The following CDH18 variants were observed in gnomAD, a reference collection of about 807,000 sequenced individuals.
CDH18 encodes cadherin-18.
Under a neutral mutation model 67.9 loss-of-function variants are expected in CDH18, and 31 were observed. The observed-to-expected ratio is 0.46, with a 90% CI of 0.34 to 0.62. CDH18 has a LOEUF of 0.62. Ranked by LOEUF, CDH18 falls within the 20% of genes least tolerant of loss-of-function variation. The pLI, the probability that CDH18 is intolerant of heterozygous loss-of-function variation, is 0.01. For missense variants in CDH18, 890 were observed against 975.5 expected (o/e 0.91, Z 1.17); for synonymous variants, 362 against 347.2 (o/e 1.04, Z -0.48).
chr5:19,731,407 C>T (rs544233286), intron 4 of CDH18, among the ~76,000 whole-genome samples: 1 of 152,186 alleles, frequency 6.6e-6, no homozygotes, highest in East Asian at 1.9e-4. Flanking sequence ...GCCGAGAGAG[C>T]CCCACTGCAC....
intron 8 of CDH18, among the ~76,000 whole-genome samples, chr5:19,554,940 AC>A (rs1367735983): frequency 8.5e-5 from 13 of 152,344 alleles, no homozygotes; most frequent in Admixed American, 5.2e-4. Flanking sequence ...ACACTTTGGA[AC>A]AATCAACAAG....
At chr5:20,364,082 T>G (rs191920918) in intron 1 of CDH18, among the ~76,000 whole-genome samples, 124 of 152,276 alleles carry the variant, frequency 8.1e-4, no homozygotes, top group African/African-American at 2.9e-3. Context: ...AAGAGCACAT[T>G]GAAGGCAGGA....
intron 1 of CDH18, among the ~76,000 whole-genome samples, chr5:20,469,413 C>T (rs1400516826): frequency 2.6e-5 from 4 of 152,096 alleles, no homozygotes; most frequent in African/African-American, 4.8e-5. Context: ...CTTTTATCTT[C>T]GCTTCTGCCT....
chr5:20,309,375 T>C (rs530955303), intron 1 of CDH18, among the ~76,000 whole-genome samples: 15 of 152,336 alleles, frequency 9.8e-5, no homozygotes, highest in South Asian at 6.2e-4. Flanking sequence ...CGTGGCACAC[T>C]GTCTTAAAAA....
At chr5:20,304,424 T>C in intron 1 of CDH18, 2 of 1,466,912 alleles carry the variant, frequency 1.4e-6, no homozygotes, top group Non-Finnish European at 1.9e-6. Flanking sequence ...TTTGGGTAGC[T>C]CATGATTCTC....
intron 2 of CDH18, among the ~76,000 whole-genome samples, chr5:20,009,422 ACT>A (rs1312743992): frequency 6.6e-6 from 1 of 151,940 alleles, no homozygotes; most frequent in African/African-American, 2.4e-5. Context: ...TGAGAACTGT[ACT>A]CTCTCTTTAT....
At chr5:20,555,884 A>G (rs1028282956) in intron 1 of CDH18, among the ~76,000 whole-genome samples, 4 of 152,010 alleles carry the variant, frequency 2.6e-5, no homozygotes, top group Admixed American at 2.6e-4. Context: ...TCCCCCACGT[A>G]TCTCAAATTC....
chr5:20,378,196 CAG>C (rs780835007), intron 1 of CDH18, among the ~76,000 whole-genome samples: 4 of 152,100 alleles, frequency 2.6e-5, no homozygotes, highest in Admixed American at 2.0e-4. Flanking sequence ...TTTTTTGAGA[CAG>C]AGTCTCCCGC....
rs186424970 is a variant in CDH18, at chr5:19,839,456, T to C, written c.-256-214A>G. Among the ~76,000 whole-genome samples, 20 of 152,304 alleles carry C rather than the reference T, an allele frequency of 1.3e-4. No homozygotes were observed. The East Asian group carries it at 3.7e-3, about 28-fold the overall frequency. On this transcript the variant is annotated intron_variant, in intron 2 of 12. Transcript: ENST00000382275. ...TACCATTAATTCTCAATGACAAATA[T>C]ATGTATAATTCTTGTTTTTGTTAGA... is the stretch of plus-strand genomic sequence containing the variant.
intron 3 of CDH18, among the ~76,000 whole-genome samples, chr5:19,822,922 C>T (rs369617690): frequency 9.2e-5 from 14 of 152,244 alleles, no homozygotes; most frequent in African/African-American, 3.4e-4. Flanking sequence ...TACAGCTCGA[C>T]CATAAAAGAC....
chr5:20,091,693 A>C (rs114332177), intron 2 of CDH18, among the ~76,000 whole-genome samples: 119 of 152,272 alleles, frequency 7.8e-4, no homozygotes, highest in South Asian at 2.7e-3. Flanking sequence ...TCTTATAAAA[A>C]TTAACTTATA....
intron 1 of CDH18, among the ~76,000 whole-genome samples, chr5:20,291,244 G>C (rs1747082387): frequency 6.6e-6 from 1 of 152,080 alleles, no homozygotes. Flanking sequence ...ATATTCAATT[G>C]AGATCTATTA....
intron 2 of CDH18, among the ~76,000 whole-genome samples, chr5:20,244,482 G>C (rs1743222013): frequency 6.6e-6 from 1 of 151,780 alleles, no homozygotes; most frequent in South Asian, 2.1e-4. Context: ...CCTCATCATT[G>C]CAACAGTAGA....
intron 2 of CDH18, among the ~76,000 whole-genome samples, chr5:19,881,075 G>C (rs966364978): frequency 1.3e-5 from 2 of 152,132 alleles, no homozygotes; most frequent in African/African-American, 4.8e-5. Flanking sequence ...GGAGAGGTGA[G>C]AGAGTTTATT....
intron 5 of CDH18, among the ~76,000 whole-genome samples, chr5:19,706,309 G>A (rs185915706): frequency 7.9e-4 from 120 of 152,222 alleles, no homozygotes; most frequent in African/African-American, 2.7e-3. Context: ...ATGGCTGATC[G>A]CCTAGTTGCT....
intron 2 of CDH18, among the ~76,000 whole-genome samples, chr5:19,925,774 C>G (rs11951930): frequency 0.011 from 1,648 of 152,140 alleles, 25 homozygotes; most frequent in African/African-American, 0.034. Flanking sequence ...TGGATACTCA[C>G]GACAATTGAG....
intron 1 of CDH18, among the ~76,000 whole-genome samples, chr5:20,316,066 T>C (rs565842408): frequency 6.6e-5 from 10 of 152,256 alleles, no homozygotes; most frequent in Admixed American, 4.6e-4. Flanking sequence ...CTGACTCTTC[T>C]AACTAGCAGT....
intron 5 of CDH18, among the ~76,000 whole-genome samples, chr5:19,694,354 A>C (rs1436428725): frequency 6.6e-6 from 1 of 152,182 alleles, no homozygotes; most frequent in Non-Finnish European, 1.5e-5. Context: ...AATGTTTTAA[A>C]AAGAGTATTA....
At chr5:20,498,006 G>A (rs888872213) in intron 1 of CDH18, among the ~76,000 whole-genome samples, 11 of 152,052 alleles carry the variant, frequency 7.2e-5, no homozygotes, top group African/African-American at 2.7e-4. Flanking sequence ...ACAGATAGAA[G>A]GTATTATCTA....
Sources: allele counts gnomAD v4.1 joint callset (sites outside exome capture counted in the v4.1 genomes callset), GRCh38; gene constraint gnomAD v4.1.1; transcripts MANE v1.5; gene names NCBI Gene and HGNC (gene_info 2026-07-23, HGNC 2026-07-21).